ASH1L: variants seen among roughly 807,000 people sequenced by gnomAD.
ASH1L encodes ASH1 like histone lysine methyltransferase, also known as histone-lysine N-methyltransferase ASH1L.
ASH1L carries 23 observed loss-of-function variants against 269.0 expected under a neutral mutation model. The ratio of observed to expected loss-of-function variants is 0.09; its 90% CI spans 0.06 to 0.12. ASH1L has a LOEUF of 0.12. Among genes scored for constraint, ASH1L ranks in the 10% least tolerant of loss-of-function variants. The probability of loss-of-function intolerance (pLI) is 1.00; values close to 1 mark genes in which losing one functional copy is unlikely to be tolerated. For synonymous variants in ASH1L, 1,187 were observed against 1,253.5 expected (o/e 0.95, Z 1.12); for missense variants, 2,912 against 3,567.8 (o/e 0.82, Z 4.68).
At chr1:155,523,556 C>T (rs887079094) in intron 1 of ASH1L, among the ~76,000 whole-genome samples, 1 of 152,196 alleles carries the variant, frequency 6.6e-6, no homozygotes. Flanking sequence ...CGCCCAATGA[C>T]TGGCACATAG....
rs369466292 is a variant in ASH1L, at chr1:155,344,189, G to C, written c.7975C>G (p.Arg2659Gly). 27 of 1,613,912 alleles carry C rather than the reference G, an allele frequency of 1.7e-5. No individual in the cohort carries two copies. The highest frequency in any genetic ancestry group is 2.2e-5 in the Non-Finnish European group (26 of 1,179,950). Residue 2659 changes from arginine to glycine, a missense_variant, in exon 22 of 28, where the codon CGT becomes GGT. This residue lies in a region of ASH1L where 179 missense variants were observed against 293.8 expected (regional missense o/e 0.61). Transcript: ENST00000392403. The stretch of plus-strand genomic sequence containing the variant: ...TTAGCTCCTGTATACATACCCTGAC[G>C]AAGCAGCAAGTCATCTCGGAGCAAA... Reference protein sequence around the residue: ...ICLLRDDLLLRQGDCVYLMRD... With the variant: ...ICLLRDDLLLGQGDCVYLMRD...
At chr1:155,435,677 G>A (rs1348395782) in intron 5 of ASH1L, among the ~76,000 whole-genome samples, 1 of 150,708 alleles carries the variant, frequency 6.6e-6, no homozygotes. Flanking sequence ...AGAGATGATA[G>A]AGAATATGAG....
intron 7 of ASH1L, among the ~76,000 whole-genome samples, chr1:155,381,537 G>A (rs1167757028): frequency 3.3e-5 from 5 of 150,590 alleles, no homozygotes; most frequent in African/African-American, 9.8e-5. Flanking sequence ...ACAATAGTGC[G>A]AGACTCCGTC....
At chr1:155,495,343 G>A (rs934594094) in intron 2 of ASH1L, among the ~76,000 whole-genome samples, 5 of 152,074 alleles carry the variant, frequency 3.3e-5, no homozygotes, top group Non-Finnish European at 1.5e-5. Flanking sequence ...GATATAGCCT[G>A]CCACACACCT....
Position 155,452,042 on chromosome 1 carries a change from AT to A in ASH1L, c.5086+7754del, listed in dbSNP as rs562050378. ...GGCTTTAGAAATGGTTAAGATGGTA[AT>A]TTTTTTTTTTTTTTTGAGACAGTCT... is the stretch of plus-strand genomic sequence containing the variant. On this transcript the variant is annotated intron_variant, in intron 4 of 27. Coordinates refer to ENST00000392403, the MANE Select transcript of ASH1L (RefSeq NM_018489.3). Among the ~76,000 whole-genome samples, 1,028 of 138,296 alleles carry A rather than the reference AT, an allele frequency of 7.4e-3. 2 individuals carry two copies. The highest frequency in any genetic ancestry group is 0.014 in the South Asian group (62 of 4,332). The allele number at this position is 138,296 out of a possible 152,430, so 90.7% of individuals were successfully genotyped here.
At chr1:155,556,011 T>C (rs1216633993) in intron 1 of ASH1L, among the ~76,000 whole-genome samples, 1 of 152,240 alleles carries the variant, frequency 6.6e-6, no homozygotes, top group East Asian at 1.9e-4. Context: ...TGATAACTGC[T>C]GAAGCTGGAT....
intron 4 of ASH1L, among the ~76,000 whole-genome samples, chr1:155,440,319 T>C (rs1294900676): frequency 6.6e-6 from 1 of 152,064 alleles, no homozygotes; most frequent in African/African-American, 2.4e-5. Context: ...AGAAAAATAA[T>C]AAAATTTAAA....
intron 1 of ASH1L, among the ~76,000 whole-genome samples, chr1:155,558,107 AGG>A (rs1382998846): frequency 2.0e-4 from 30 of 152,296 alleles, no homozygotes; most frequent in Middle Eastern, 3.4e-3. Context: ...TAAAGCATGG[AGG>A]AAGACTCAGA....
At chr1:155,471,494 A>G (rs747041497) in intron 3 of ASH1L, among the ~76,000 whole-genome samples, 49 of 152,358 alleles carry the variant, frequency 3.2e-4, no homozygotes, top group Middle Eastern at 3.4e-3. Context: ...CAGAGCCCCA[A>G]TAAAAACTCT....
chr1:155,356,091 C>T (rs1558026254), intron 15 of ASH1L, among the ~76,000 whole-genome samples: 1 of 151,920 alleles, frequency 6.6e-6, no homozygotes, highest in South Asian at 2.1e-4. Flanking sequence ...GCATGCACCA[C>T]CATGCCTGGC....
intron 24 of ASH1L, among the ~76,000 whole-genome samples, chr1:155,342,324 G>A (rs1172187495): frequency 1.3e-5 from 2 of 152,154 alleles, no homozygotes; most frequent in South Asian, 2.1e-4. Context: ...CAGAATGGAT[G>A]GAAATAAACC....
intron 1 of ASH1L, among the ~76,000 whole-genome samples, chr1:155,560,221 A>C (rs6673172): frequency 0.01 from 1,545 of 152,290 alleles, 28 homozygotes; most frequent in African/African-American, 0.035. Flanking sequence ...CATATATATA[A>C]ATCATGTGAT....
At chr1:155,451,659 G>A (rs938982915) in intron 4 of ASH1L, among the ~76,000 whole-genome samples, 4 of 152,136 alleles carry the variant, frequency 2.6e-5, no homozygotes, top group Middle Eastern at 3.4e-3. Flanking sequence ...CTTGGAGGCT[G>A]AGGCAGGAGA....
chr1:155,337,494 C>T lies in ASH1L; in HGVS notation c.*166G>A. On this transcript the variant is annotated 3_prime_UTR_variant, in exon 28 of 28. Coordinates refer to ENST00000392403, the MANE Select transcript of ASH1L (RefSeq NM_018489.3). Reference sequence around the variant, plus strand: ...TCTTGGACAGAACCCTTTCCTCTCCCTCTCCACTAGCTCCAAGGCTTATTA... The same window carrying T: ...TCTTGGACAGAACCCTTTCCTCTCCTTCTCCACTAGCTCCAAGGCTTATTA... The T allele has an allele frequency of 1.6e-6, 1 of 623,856 alleles. No homozygotes were observed. Among genetic ancestry groups the T allele is most frequent in the Non-Finnish European group, 2.9e-6 (1 of 345,406 alleles). 38.6% of individuals were successfully genotyped at this position (623,856 alleles called of 1,614,324 possible).
At chr1:155,385,027 T>C (rs1433354256) in intron 7 of ASH1L, among the ~76,000 whole-genome samples, 1 of 152,090 alleles carries the variant, frequency 6.6e-6, no homozygotes, top group South Asian at 2.1e-4. Context: ...TTATTTCCTC[T>C]GTCCCATTCA....
At chr1:155,497,319 A>C (rs1265966145) in intron 2 of ASH1L, among the ~76,000 whole-genome samples, 2 of 152,202 alleles carry the variant, frequency 1.3e-5, no homozygotes, top group Admixed American at 6.5e-5. Flanking sequence ...GGTATATACA[A>C]CTGATTCTTG....
Position 155,386,481 on chromosome 1 carries a change from G to A in ASH1L, c.6104-6365C>T, listed in dbSNP as rs568074292. 4.6e-5 allele frequency among the ~76,000 whole-genome samples: 7 copies of A among 152,114 alleles called. No homozygotes were observed. The South Asian group carries it at 6.2e-4, about 14-fold the overall frequency. The stretch of plus-strand genomic sequence containing the variant: ...CAGCTCATTGCAACCTCTGCCACCC[G>A]GAGTTCAAGCAATTCTGTCTCAGCC... On this transcript the variant is annotated intron_variant, in intron 7 of 27. Coordinates refer to ENST00000392403, the MANE Select transcript of ASH1L (RefSeq NM_018489.3).
At chr1:155,399,719 A>G (rs1658670874) in intron 6 of ASH1L, among the ~76,000 whole-genome samples, 1 of 151,964 alleles carries the variant, frequency 6.6e-6, no homozygotes. Flanking sequence ...TAAGTTCTAC[A>G]AAAGGAGAAA....
chr1:155,469,142 C>T (rs1198594326), intron 3 of ASH1L, among the ~76,000 whole-genome samples: 1 of 151,928 alleles, frequency 6.6e-6, no homozygotes, highest in Non-Finnish European at 1.5e-5. Flanking sequence ...CAGTACTTAC[C>T]TAACCAATCT....
Sources: gnomAD v4.1 joint callset for allele counts (sites outside exome capture counted in the v4.1 genomes callset) on GRCh38, gnomAD v4.1.1 for gene constraint, gnomAD v4.1.1 regional missense constraint, MANE v1.5 for transcripts, NCBI Gene and HGNC (gene_info 2026-07-23, HGNC 2026-07-21) for gene names.